Variants in NEBL observed in about 807,000 individuals in gnomAD.
NEBL encodes nebulette.
Under a neutral mutation model 140.2 loss-of-function variants are expected in NEBL, and 122 were observed. That is an observed-to-expected ratio of 0.87 (90% CI 0.75 to 1.01). The LOEUF (loss-of-function observed/expected upper bound fraction) is 1.01. NEBL is among the 50% of genes least tolerant of loss of function. NEBL has a pLI of 0.00. For missense variants in NEBL, 1,365 were observed against 1,231.3 expected (o/e 1.11, Z -1.62); for synonymous variants, 436 against 398.9 (o/e 1.09, Z -1.11).
intron 3 of NEBL, among the ~76,000 whole-genome samples, chr10:20,965,736 C>T (rs921122499): frequency 6.6e-5 from 10 of 152,148 alleles, no homozygotes; most frequent in South Asian, 2.1e-4. Context: ...GCAGGACAGA[C>T]GCGAGAAGCC....
chr10:21,259,809 A>G (rs1842714250), intron 1 of NEBL, among the ~76,000 whole-genome samples: 1 of 152,148 alleles, frequency 6.6e-6, no homozygotes. Context: ...CCTTGGCCAC[A>G]ATATTGCAAG....
In NEBL at chr10:20,785,751, T is replaced by C. The variant is rs1835351857; in HGVS notation, c.3041A>G (p.Asn1014Ser). 2 of 1,613,490 alleles carry C rather than the reference T, an allele frequency of 1.2e-6. No individual in the cohort carries two copies. The highest frequency in any genetic ancestry group is 2.2e-5 in the South Asian group (2 of 91,042). The change falls in exon 28 of 28, where the codon AAT becomes AGT. Residue 1014 changes from asparagine (N) to serine (S), a missense_variant. Asn to Ser is a conservative substitution (Grantham distance 46). Around this residue, in one of 2 missense-constraint regions of NEBL, gnomAD observed 42 missense variants for 76.5 expected, o/e 0.55. Transcript: ENST00000377122. ...TCAAAGGGCAGGGAGAAATAATTAA[T>C]TAACAAACTCAATGTAATTCGCTGG... ...MLPANYIEFV[N>S]
At chr10:20,909,249 T>C (rs965363939) in intron 4 of NEBL, among the ~76,000 whole-genome samples, 5 of 151,220 alleles carry the variant, frequency 3.3e-5, no homozygotes, top group African/African-American at 1.2e-4. Flanking sequence ...TCATTCTATT[T>C]TTTTTTTTTT....
Position 21,105,448 on chromosome 10 carries a change from G to A in NEBL, c.164+66935C>T, listed in dbSNP as rs541647075. On this transcript the variant is annotated intron_variant, in intron 2 of 6. Coordinates refer to the NEBL transcript ENST00000417816. The stretch of plus-strand genomic sequence containing the variant: ...GAGAACATGCGGTGTTTGGTTTTCT[G>A]TCCTTGTGATAGTTTGCTTAGAATG... Among the ~76,000 whole-genome samples, 3 of 151,884 alleles carry A rather than the reference G, an allele frequency of 2.0e-5. No individual in the cohort carries two copies. In the East Asian group the frequency reaches 5.8e-4, roughly 30 times the overall value.
At chr10:20,964,106 G>GACAGA (rs1287180661) in intron 3 of NEBL, among the ~76,000 whole-genome samples, 1 of 152,182 alleles carries the variant, frequency 6.6e-6, no homozygotes, top group African/African-American at 2.4e-5. Flanking sequence ...GAGAACAGAG[G>GACAGA]ACAGAGGGAA....
intron 2 of NEBL, among the ~76,000 whole-genome samples, chr10:21,051,874 T>A (rs1305438342): frequency 6.6e-6 from 1 of 152,108 alleles, no homozygotes; most frequent in African/African-American, 2.4e-5. Flanking sequence ...TTAATTTAAC[T>A]GAAAACTTCA....
intron 4 of NEBL, among the ~76,000 whole-genome samples, chr10:20,936,212 T>C (rs1287655257): frequency 6.6e-6 from 1 of 152,198 alleles, no homozygotes; most frequent in African/African-American, 2.4e-5. Flanking sequence ...TATTTAATTC[T>C]CATAAAAACT....
At chr10:20,993,842 G>C (rs1333935819) in intron 3 of NEBL, among the ~76,000 whole-genome samples, 1 of 152,200 alleles carries the variant, frequency 6.6e-6, no homozygotes, top group Non-Finnish European at 1.5e-5. Flanking sequence ...CCTACTCCCT[G>C]ATCTGGGGCA....
chr10:21,277,248 G>A (rs1267098940), intron 1 of NEBL, among the ~76,000 whole-genome samples: 3 of 137,820 alleles, frequency 2.2e-5, no homozygotes, highest in African/African-American at 2.9e-5. Flanking sequence ...TCGCTCTGTC[G>A]CCCAGGCTGG....
intron 2 of NEBL, among the ~76,000 whole-genome samples, chr10:21,156,501 T>C (rs1032026114): frequency 6.6e-6 from 1 of 152,074 alleles, no homozygotes; most frequent in Non-Finnish European, 1.5e-5. Context: ...GTAATAAAGT[T>C]CACCTGGGAG....
intron 3 of NEBL, among the ~76,000 whole-genome samples, chr10:21,018,099 G>A (rs951010872): frequency 2.0e-5 from 3 of 152,134 alleles, no homozygotes; most frequent in Non-Finnish European, 2.9e-5. Context: ...TCGGATTACA[G>A]GCATGAGCCC....
At chr10:21,277,813 T>TTTTC (rs148341837) in intron 1 of NEBL, among the ~76,000 whole-genome samples, 6 of 151,990 alleles carry the variant, frequency 3.9e-5, no homozygotes, top group Non-Finnish European at 8.8e-5. Flanking sequence ...AAAGTCATTT[T>TTTTC]TTTCTTTCTT....
intron 3 of NEBL, among the ~76,000 whole-genome samples, chr10:20,969,737 G>C (rs1443714044): frequency 6.6e-6 from 1 of 151,460 alleles, no homozygotes; most frequent in Non-Finnish European, 1.5e-5. Flanking sequence ...GTAGAGACAG[G>C]GTTTTGCCAT....
chr10:21,254,818 C>A (rs1842634176), intron 1 of NEBL, among the ~76,000 whole-genome samples: 1 of 152,092 alleles, frequency 6.6e-6, no homozygotes, highest in Non-Finnish European at 1.5e-5. Context: ...CTTCACATAC[C>A]CTGCCCATGA....
At chr10:20,813,829 C>T in intron 23 of NEBL, 110 bp downstream of exon 23, 2 of 774,834 alleles carry the variant, frequency 2.6e-6, no homozygotes, top group South Asian at 2.9e-5. Context: ...ACAAGCCAAC[C>T]ACATTTCCAT....
intron 1 of NEBL, among the ~76,000 whole-genome samples, chr10:21,262,573 G>C (rs537992939): frequency 2.6e-4 from 39 of 152,314 alleles, no homozygotes; most frequent in African/African-American, 9.4e-4. Flanking sequence ...TCAAAGCTGT[G>C]GGCAGTTAAA....
intron 4 of NEBL, among the ~76,000 whole-genome samples, chr10:20,943,564 A>G (rs1835006860): frequency 1.3e-5 from 2 of 152,304 alleles, no homozygotes; most frequent in Middle Eastern, 3.4e-3. Flanking sequence ...TGTTGTGCAC[A>G]TGTACCCTAA....
intron 2 of NEBL, among the ~76,000 whole-genome samples, chr10:21,025,827 G>A (rs1839003806): frequency 6.6e-6 from 1 of 152,128 alleles, no homozygotes; most frequent in African/African-American, 2.4e-5. Flanking sequence ...ATTCAGGCTT[G>A]CTGCAAAATT....
intron 2 of NEBL, among the ~76,000 whole-genome samples, chr10:21,087,854 G>C (rs1836711552): frequency 6.6e-6 from 1 of 152,176 alleles, no homozygotes; most frequent in Non-Finnish European, 1.5e-5. Context: ...GGAAATTACT[G>C]AGAATCAGAA....
Sources: gnomAD v4.1 joint callset for allele counts (sites outside exome capture counted in the v4.1 genomes callset) on GRCh38, gnomAD v4.1.1 for gene constraint, gnomAD v4.1.1 regional missense constraint, MANE v1.5 for transcripts, NCBI Gene and HGNC (gene_info 2026-07-23, HGNC 2026-07-21) for gene names.